Variants in LIMCH1 observed in about 807,000 individuals in gnomAD.
LIMCH1 encodes the protein LIM and calponin homology domains 1.
A neutral mutation model predicts 176.5 loss-of-function variants in LIMCH1; 113 were observed. The ratio of observed to expected loss-of-function variants is 0.64; its 90% CI spans 0.55 to 0.75. The LOEUF (loss-of-function observed/expected upper bound fraction) is 0.75. LIMCH1 is among the 30% of genes least tolerant of loss of function. LIMCH1 has a pLI of 0.00. For synonymous variants in LIMCH1, 619 were observed against 645.9 expected (o/e 0.96, Z 0.63); for missense variants, 1,674 against 1,814.9 (o/e 0.92, Z 1.41).
chr4:41,522,530 G>A (rs929270511), intron 2 of LIMCH1, among the ~76,000 whole-genome samples: 1 of 152,084 alleles, frequency 6.6e-6, no homozygotes, highest in Non-Finnish European at 1.5e-5. Flanking sequence ...AGTTTAAAAT[G>A]ACACTGTTAA....
intron 17 of LIMCH1, among the ~76,000 whole-genome samples, chr4:41,650,189 C>T (rs1350349558): frequency 6.6e-6 from 1 of 152,226 alleles, no homozygotes; most frequent in African/African-American, 2.4e-5. Context: ...AGCAGGCCAA[C>T]TACCTTTTAA....
At chr4:41,526,994 A>C (rs1157257527) in intron 3 of LIMCH1, among the ~76,000 whole-genome samples, 2 of 152,336 alleles carry the variant, frequency 1.3e-5, no homozygotes, top group East Asian at 3.9e-4. Flanking sequence ...GATATGTGTT[A>C]TTCATTGAAT....
intron 1 of LIMCH1, among the ~76,000 whole-genome samples, chr4:41,478,619 G>A (rs1281114426): frequency 2.0e-5 from 3 of 152,150 alleles, no homozygotes; most frequent in Non-Finnish European, 4.4e-5. Context: ...TAGTGAAATC[G>A]ATCACTTCAT....
intron 18 of LIMCH1, among the ~76,000 whole-genome samples, chr4:41,651,910 C>CTCA (rs2094312146): frequency 6.6e-6 from 1 of 152,176 alleles, no homozygotes; most frequent in South Asian, 2.1e-4. Context: ...ACCAGAAAGA[C>CTCA]TCATGCTGGT....
chr4:41,693,772 G>C (rs1263596720), intron 31 of LIMCH1, among the ~76,000 whole-genome samples: 1 of 152,042 alleles, frequency 6.6e-6, no homozygotes, highest in Non-Finnish European at 1.5e-5. Flanking sequence ...CTACCTCAGT[G>C]AACCACAGTG....
At chr4:41,577,659 G>T (rs1359439434) in intron 1 of LIMCH1, among the ~76,000 whole-genome samples, 1 of 152,052 alleles carries the variant, frequency 6.6e-6, no homozygotes, top group Non-Finnish European at 1.5e-5. Context: ...GAACTCCTGG[G>T]CTCAAGCAAT....
chr4:41,646,169 TAATC>T lies in LIMCH1; in HGVS notation c.2303_2306del (p.Ile768ArgfsTer97), dbSNP rs1324438026. 6 of 1,613,916 alleles carry T rather than the reference TAATC, an allele frequency of 3.7e-6. No individual in the cohort carries two copies. Among genetic ancestry groups the T allele is most frequent in the Non-Finnish European group, 5.1e-6 (6 of 1,180,002 alleles). On this transcript the variant is annotated frameshift_variant, in exon 16 of 32. Coordinates refer to ENST00000503057, the MANE Select transcript of LIMCH1 (RefSeq NM_001330672.2). LOFTEE classifies it high-confidence loss of function. Reference sequence around the variant, plus strand: ...CGTAGAAGAAGTGTTTCTCAGGACTTAATCAAGAAAGAGGAAGAAAGGAAAAAAA... The same window carrying T: ...CGTAGAAGAAGTGTTTCTCAGGACTTAAGAAAGAGGAAGAAAGGAAAAAAA...
At chr4:41,682,258 A>G (rs1418839377) in intron 25 of LIMCH1, 75 bp from the exon 26 acceptor site, 19 of 1,092,458 alleles carry the variant, frequency 1.7e-5, no homozygotes, top group Non-Finnish European at 2.3e-5. Flanking sequence ...TACTTCAAAT[A>G]TCCCTGGCCA....
rs960507115 is a variant in LIMCH1, at chr4:41,575,336, T to G, written c.-240-23584T>G. ...TCTGCCTCACCGCAAATGCAATCAT[T>G]CAGTAAATATTTATTATGTGCCAGC... is the stretch of plus-strand genomic sequence containing the variant. On this transcript the variant is annotated intron_variant, in intron 1 of 31. Transcript: ENST00000503057. Among the ~76,000 whole-genome samples, 3 of 152,334 alleles carry G rather than the reference T, an allele frequency of 2.0e-5. No homozygotes were observed. The South Asian group carries it at 6.2e-4, about 32-fold the overall frequency.
intron 1 of LIMCH1, among the ~76,000 whole-genome samples, chr4:41,544,575 G>A (rs370955436): frequency 2.0e-5 from 3 of 152,182 alleles, no homozygotes; most frequent in East Asian, 3.9e-4. Flanking sequence ...CTAGTTACCT[G>A]GTTTTCTATT....
chr4:41,465,067 C>CTT (rs970805430), intron 1 of LIMCH1, among the ~76,000 whole-genome samples: 1 of 152,146 alleles, frequency 6.6e-6, no homozygotes, highest in Non-Finnish European at 1.5e-5. Flanking sequence ...AACTTGCAAA[C>CTT]TTTTCTTTTG....
chr4:41,380,789 G>A (rs1453188533), intron 1 of LIMCH1, among the ~76,000 whole-genome samples: 3 of 152,156 alleles, frequency 2.0e-5, no homozygotes, highest in Admixed American at 1.3e-4. Flanking sequence ...GTGAAGAGAT[G>A]TGCATCCAGG....
intron 27 of LIMCH1, 23 bp downstream of exon 27, chr4:41,684,541 T>C: frequency 6.2e-7 from 1 of 1,610,426 alleles, no homozygotes. Flanking sequence ...AAGACCAGTT[T>C]CATTCAATGT....
At chr4:41,513,360 T>A (rs1052237796) in intron 2 of LIMCH1, among the ~76,000 whole-genome samples, 7 of 152,200 alleles carry the variant, frequency 4.6e-5, no homozygotes, top group African/African-American at 1.7e-4. Flanking sequence ...CCCAGTCCTC[T>A]GAATAAAGCT....
At chr4:41,377,399 T>C (rs1384568279) in intron 1 of LIMCH1, among the ~76,000 whole-genome samples, 1 of 152,194 alleles carries the variant, frequency 6.6e-6, no homozygotes, top group African/African-American at 2.4e-5. Flanking sequence ...ACAAGTGATA[T>C]GGCCAAGTCC....
intron 1 of LIMCH1, among the ~76,000 whole-genome samples, chr4:41,398,069 C>T (rs895322340): frequency 3.3e-5 from 5 of 151,510 alleles, no homozygotes; most frequent in African/African-American, 9.7e-5. Flanking sequence ...GTACCAGATT[C>T]ATCACAGCTA....
At chr4:41,399,576 T>A (rs1338205053) in intron 1 of LIMCH1, among the ~76,000 whole-genome samples, 2 of 152,164 alleles carry the variant, frequency 1.3e-5, no homozygotes, top group Non-Finnish European at 2.9e-5. Flanking sequence ...AAATTTTGGC[T>A]AATGATTAAT....
intron 2 of LIMCH1, among the ~76,000 whole-genome samples, chr4:41,499,334 C>T (rs1412856091): frequency 1.3e-5 from 2 of 152,106 alleles, no homozygotes; most frequent in South Asian, 2.1e-4. Flanking sequence ...TTCCCTGAAC[C>T]ATTTGAATGT....
intron 1 of LIMCH1, among the ~76,000 whole-genome samples, chr4:41,421,431 T>C (rs1169243985): frequency 1.3e-5 from 2 of 152,236 alleles, no homozygotes; most frequent in African/African-American, 4.8e-5. Flanking sequence ...CTTTTTCTTA[T>C]GTTTAACAGT....
Sources: gnomAD v4.1 joint callset for allele counts (sites outside exome capture counted in the v4.1 genomes callset) on GRCh38, gnomAD v4.1.1 for gene constraint, MANE v1.5 for transcripts, NCBI Gene and HGNC (gene_info 2026-07-23, HGNC 2026-07-21) for gene names.